CDKL3: variants seen among roughly 807,000 people sequenced by gnomAD.
CDKL3 encodes cyclin dependent kinase like 3.
Under a neutral mutation model 69.3 loss-of-function variants are expected in CDKL3, and 65 were observed. The ratio of observed to expected loss-of-function variants is 0.94; its 90% CI spans 0.77 to 1.15. The LOEUF is 1.15. Ranked by LOEUF, CDKL3 falls within the 50% of genes most tolerant of loss-of-function variation. The pLI is 0.00. For synonymous variants in CDKL3, 202 were observed against 221.6 expected (o/e 0.91, Z 0.79); for missense variants, 652 against 689.2 (o/e 0.95, Z 0.61).
chr5:134,298,761 A>G, intron 12 of CDKL3, 51 bp from the exon 13 acceptor site: 1 of 1,585,994 alleles, frequency 6.3e-7, no homozygotes, highest in Middle Eastern at 1.7e-4. Context: ...ATGTAAATAT[A>G]TGCTACCAAA....
intron 10 of CDKL3, 42 bp from the exon 11 acceptor site, chr5:134,304,609 C>T: frequency 6.6e-7 from 1 of 1,513,274 alleles, no homozygotes; most frequent in Non-Finnish European, 8.9e-7. Flanking sequence ...ATGTGTCTAA[C>T]TATTTGTAGA....
chr5:134,294,434 T>C (rs548536604), downstream of CDKL3, among the ~76,000 whole-genome samples: 1 of 152,138 alleles, frequency 6.6e-6, no homozygotes, highest in South Asian at 2.1e-4. Context: ...TTCCCTCTGC[T>C]ACAGGAAAAA....
chr5:134,306,106 T>TA (rs1399371163), intron 10 of CDKL3, among the ~76,000 whole-genome samples: 7 of 152,274 alleles, frequency 4.6e-5, no homozygotes, highest in Non-Finnish European at 7.4e-5. Flanking sequence ...TGTGATAAAT[T>TA]AAGATATATG....
intron 6 of CDKL3, 70 bp from the exon 7 acceptor site, chr5:134,312,450 T>C (rs1454064417): frequency 2.4e-6 from 2 of 823,778 alleles, no homozygotes; most frequent in Non-Finnish European, 3.8e-6. Flanking sequence ...TTAAATTTAT[T>C]TGACAAATTA....
chr5:134,302,589 C>T lies in CDKL3; in HGVS notation c.1719+1G>A. The T allele has an allele frequency of 3.3e-6, 5 of 1,506,454 alleles. No homozygotes were observed. Among genetic ancestry groups the T allele is most frequent in the Non-Finnish European group, 4.6e-6 (5 of 1,089,778 alleles). The allele number at this position is 1,506,454 out of a possible 1,614,324, so 93.3% of individuals were successfully genotyped here. A position where few individuals can be genotyped will look rare whatever the true frequency, so the allele number is the denominator to read the frequency against. ...TAAAAGCTATATACAAAAAGAGTTA[C>T]CTCTTGTTTTTCTTGATTTTGATCC... On this transcript the variant is annotated splice_donor_variant, in intron 12 of 12. Coordinates refer to ENST00000265334, the MANE Select transcript of CDKL3 (RefSeq NM_001113575.2). LOFTEE classifies it high-confidence loss of function.
chr5:134,370,449 G>A (rs1056766141), upstream of CDKL3, among the ~76,000 whole-genome samples: 1 of 152,082 alleles, frequency 6.6e-6, no homozygotes, highest in African/African-American at 2.4e-5. Context: ...CATGTCTGCC[G>A]GAGCTCTCCC....
intron 4 of CDKL3, among the ~76,000 whole-genome samples, chr5:134,339,789 T>C (rs1268648904): frequency 1.3e-5 from 2 of 152,146 alleles, no homozygotes; most frequent in Admixed American, 6.6e-5. Context: ...TTTACAAATA[T>C]GTGGATATTA....
chr5:134,326,840 T>TGC (rs1774443914), intron 4 of CDKL3, among the ~76,000 whole-genome samples: 1 of 113,930 alleles, frequency 8.8e-6, no homozygotes, highest in Non-Finnish European at 1.7e-5. Flanking sequence ...TATATATATA[T>TGC]ATATATATAT....
chr5:134,339,815 A>G (rs1750002584), intron 4 of CDKL3, among the ~76,000 whole-genome samples: 4 of 152,214 alleles, frequency 2.6e-5, no homozygotes, highest in Admixed American at 2.0e-4. Context: ...CATTTGACGA[A>G]ATAACCAATG....
At chr5:134,298,368 T>G, downstream of CDKL3, 1 of 1,175,610 alleles carries the variant, frequency 8.5e-7, no homozygotes, top group Non-Finnish European at 1.1e-6. Context: ...TAAGTACAGT[T>G]TGTATCATGT....
intron 4 of CDKL3, among the ~76,000 whole-genome samples, chr5:134,347,633 G>A (rs1373818573): frequency 6.7e-6 from 1 of 149,072 alleles, no homozygotes; most frequent in Non-Finnish European, 1.5e-5. Context: ...ATTTTGAGAG[G>A]CCGAGGCGAG....
At chr5:134,319,594 C>A in intron 5 of CDKL3, 97 bp from the exon 6 acceptor site, 3 of 1,001,452 alleles carry the variant, frequency 3.0e-6, no homozygotes, top group Non-Finnish European at 4.2e-6. Flanking sequence ...TTACTAAAAA[C>A]TGATACAAGG....
At chr5:134,312,071 C>T (rs1561526619) in intron 7 of CDKL3, among the ~76,000 whole-genome samples, 1 of 152,218 alleles carries the variant, frequency 6.6e-6, no homozygotes. Flanking sequence ...GCTGGGATTA[C>T]AGGTGTGAGC....
chr5:134,316,247 C>T (rs1009020055), intron 6 of CDKL3, among the ~76,000 whole-genome samples: 9 of 152,112 alleles, frequency 5.9e-5, no homozygotes, highest in Non-Finnish European at 1.0e-4. Flanking sequence ...CCCCTGCCCC[C>T]GGACCACTTC....
downstream of CDKL3, among the ~76,000 whole-genome samples, chr5:134,285,893 GCA>G (rs1764838944): frequency 1.3e-5 from 2 of 152,218 alleles, no homozygotes; most frequent in Admixed American, 6.5e-5. Context: ...GGAGGCCAAG[GCA>G]TGTGGATCAC....
chr5:134,364,160 ATACT>A lies in CDKL3; in HGVS notation c.165+2195_165+2198del, dbSNP rs920607960. 1.1e-4 allele frequency among the ~76,000 whole-genome samples: 17 copies of A among 152,184 alleles called. 1 individual carries two copies. The highest frequency in any genetic ancestry group is 1.1e-3 in the Admixed American group (17 of 15,276). On this transcript the variant is annotated intron_variant, in intron 2 of 12. Coordinates refer to ENST00000265334, the MANE Select transcript of CDKL3 (RefSeq NM_001113575.2). Reference sequence around the variant, plus strand: ...AAATAGATTCCAATAAATAGAATACATACTTATTTAAATATTTTTAAAATCATTA... The same window carrying A: ...AAATAGATTCCAATAAATAGAATACATATTTAAATATTTTTAAAATCATTA...
chr5:134,325,485 T>C (rs1340809082), intron 4 of CDKL3, among the ~76,000 whole-genome samples: 2 of 152,214 alleles, frequency 1.3e-5, no homozygotes, highest in Non-Finnish European at 2.9e-5. Flanking sequence ...TTGGATCTTT[T>C]GGTGAATACA....
chr5:134,336,737 C>T (rs982448909), intron 4 of CDKL3, among the ~76,000 whole-genome samples: 4 of 152,096 alleles, frequency 2.6e-5, no homozygotes, highest in African/African-American at 4.8e-5. Flanking sequence ...ATGAAGTGTC[C>T]GTTGGCCCCT....
intron 4 of CDKL3, among the ~76,000 whole-genome samples, chr5:134,324,447 G>A (rs1289617008): frequency 6.6e-6 from 1 of 152,160 alleles, no homozygotes; most frequent in Non-Finnish European, 1.5e-5. Flanking sequence ...CAATAAAGAT[G>A]TCCTTCAATA....
Sources: gnomAD v4.1 joint callset for allele counts (sites outside exome capture counted in the v4.1 genomes callset) on GRCh38, gnomAD v4.1.1 for gene constraint, MANE v1.5 for transcripts, NCBI Gene and HGNC (gene_info 2026-07-23, HGNC 2026-07-21) for gene names.